The following COBLL1 variants were observed in gnomAD, a reference collection of about 807,000 sequenced individuals.
COBLL1 encodes the protein cordon-bleu WH2 repeat protein like 1.
Under a neutral mutation model 94.8 loss-of-function variants are expected in COBLL1, and 50 were observed. The ratio of observed to expected loss-of-function variants is 0.53; its 90% CI spans 0.42 to 0.67. The LOEUF (loss-of-function observed/expected upper bound fraction) is 0.67, where lower values mean the gene tolerates loss of function less well. Among genes scored for constraint, COBLL1 ranks in the 30% least tolerant of loss-of-function variants. The pLI is 0.00. For missense variants in COBLL1, 1,362 were observed against 1,348.7 expected, an observed-to-expected ratio of 1.01 and a Z score of -0.15; for synonymous variants, 448 against 473.8, an observed-to-expected ratio of 0.95 and a Z score of 0.71.
intron 2 of COBLL1, among the ~76,000 whole-genome samples, chr2:164,773,964 C>CAAAAATAA (rs1333168850): frequency 1.6e-4 from 24 of 152,164 alleles, no homozygotes; most frequent in South Asian, 1.2e-3. Context: ...ATAAAAATTA[C>CAAAAATAA]AAAAATAAAA....
intron 3 of COBLL1, among the ~76,000 whole-genome samples, chr2:164,742,625 C>A (rs931415490): frequency 1.3e-5 from 2 of 151,964 alleles, no homozygotes; most frequent in South Asian, 2.1e-4. Context: ...AAATAAATGG[C>A]AAAATGCAAC....
intron 2 of COBLL1, among the ~76,000 whole-genome samples, chr2:164,812,538 T>C (rs1033930115): frequency 2.6e-5 from 4 of 152,052 alleles, no homozygotes; most frequent in African/African-American, 9.7e-5. Flanking sequence ...AACAGACTAA[T>C]GGTTAAGTGA....
chr2:164,792,477 C>T (rs1159070987), intron 2 of COBLL1, among the ~76,000 whole-genome samples: 1 of 152,130 alleles, frequency 6.6e-6, no homozygotes, highest in Non-Finnish European at 1.5e-5. Flanking sequence ...TAATTAGAAA[C>T]AGCCTCCTTT....
chr2:164,723,636 CAT>C (rs750460437), intron 5 of COBLL1: 40 of 151,566 alleles, frequency 2.6e-4, no homozygotes, highest in African/African-American at 8.7e-4. Context: ...AAACATGTCA[CAT>C]GTGTTTAATT....
intron 2 of COBLL1, among the ~76,000 whole-genome samples, chr2:164,662,911 G>A (rs1047167338): frequency 2.0e-5 from 3 of 152,156 alleles, no homozygotes; most frequent in Non-Finnish European, 2.9e-5. Context: ...GCAGAATGAT[G>A]AGTCAATTAA....
chr2:164,833,013 A>C (rs1479276494), intron 2 of COBLL1, among the ~76,000 whole-genome samples: 2 of 152,064 alleles, frequency 1.3e-5, no homozygotes, highest in Non-Finnish European at 2.9e-5. Context: ...ATTGCACTCC[A>C]GCCTGGTCAA....
chr2:164,779,722 G>C (rs1688646676), intron 2 of COBLL1: 1 of 470,842 alleles, frequency 2.1e-6, no homozygotes, highest in Admixed American at 2.4e-5. Flanking sequence ...TCCAAACAGA[G>C]ACCACACAGA....
At chr2:164,744,939 A>G (rs991627281) in intron 2 of COBLL1, among the ~76,000 whole-genome samples, 1 of 152,210 alleles carries the variant, frequency 6.6e-6, no homozygotes, top group African/African-American at 2.4e-5. Context: ...ATAAACTATA[A>G]GTAATGACAT....
At chr2:164,794,132 G>T (rs1359089101) in intron 2 of COBLL1, among the ~76,000 whole-genome samples, 1 of 152,098 alleles carries the variant, frequency 6.6e-6, no homozygotes, top group Non-Finnish European at 1.5e-5. Flanking sequence ...AAAAAGAATT[G>T]TCTACCCATT....
intron 2 of COBLL1, among the ~76,000 whole-genome samples, chr2:164,836,737 T>G (rs550270306): frequency 1.3e-5 from 2 of 152,226 alleles, no homozygotes; most frequent in Non-Finnish European, 2.9e-5. Context: ...AAATGATTAG[T>G]AACAGCCTCT....
intron 2 of COBLL1, among the ~76,000 whole-genome samples, chr2:164,760,244 A>T (rs2105614298): frequency 6.6e-6 from 1 of 152,302 alleles, no homozygotes; most frequent in East Asian, 1.9e-4. Context: ...GATACATTCA[A>T]CTCGGATGGA....
chr2:164,668,404 C>T (rs768755097), intron 1 of COBLL1, among the ~76,000 whole-genome samples: 41 of 152,290 alleles, frequency 2.7e-4, no homozygotes, highest in Non-Finnish European at 4.7e-4. Context: ...CAATATGTTG[C>T]GTCTCAGGAA....
At chr2:164,679,019 A>C (rs1391203208), downstream of COBLL1, among the ~76,000 whole-genome samples, 1 of 151,802 alleles carries the variant, frequency 6.6e-6, no homozygotes, top group Non-Finnish European at 1.5e-5. Context: ...CACATTACCA[A>C]CTCCTATCCA....
chr2:164,815,373 T>C (rs528094572), intron 2 of COBLL1, among the ~76,000 whole-genome samples: 2 of 141,684 alleles, frequency 1.4e-5, no homozygotes, highest in Non-Finnish European at 3.0e-5. Context: ...CACTCCAGCC[T>C]GGGGGACAGA....
intron 3 of COBLL1, among the ~76,000 whole-genome samples, chr2:164,730,623 G>GCATA (rs1685960151): frequency 6.6e-6 from 1 of 152,148 alleles, no homozygotes; most frequent in Non-Finnish European, 1.5e-5. Context: ...AGTCAAGAGA[G>GCATA]CATAGATCCT....
chr2:164,828,962 G>A (rs1434850049), intron 2 of COBLL1, among the ~76,000 whole-genome samples: 1 of 152,190 alleles, frequency 6.6e-6, no homozygotes, highest in Non-Finnish European at 1.5e-5. Context: ...GATTGCCTCT[G>A]TGAAGGAAGT....
intron 10 of COBLL1, 41 bp downstream of exon 10, chr2:164,700,481 A>T: frequency 7.9e-7 from 1 of 1,268,424 alleles, no homozygotes; most frequent in Non-Finnish European, 1.1e-6. Context: ...AGTATTAATT[A>T]AACTAACGGC....
chr2:164,817,499 T>C (rs898889431), intron 2 of COBLL1, among the ~76,000 whole-genome samples: 5 of 152,142 alleles, frequency 3.3e-5, no homozygotes, highest in African/African-American at 1.2e-4. Context: ...GTTTCACCTG[T>C]AGCCTCACCT....
At chr2:164,723,455 T>C (rs1685556728) in intron 5 of COBLL1, 3 of 152,206 alleles carry the variant, frequency 2.0e-5, no homozygotes, top group African/African-American at 7.2e-5. Context: ...GTTGATTCTC[T>C]GTTGGTATCA....
Sources: allele counts gnomAD v4.1 joint callset (sites outside exome capture counted in the v4.1 genomes callset), GRCh38; gene constraint gnomAD v4.1.1; transcripts MANE v1.5; gene names NCBI Gene and HGNC (gene_info 2026-07-23, HGNC 2026-07-21).